The following BMP6 variants were observed in gnomAD, a reference collection of about 807,000 sequenced individuals.
The protein encoded by BMP6 is bone morphogenetic protein 6, also known as VG-1-R.
BMP6 carries 17 observed loss-of-function variants against 54.1 expected under a neutral mutation model. The observed-to-expected ratio is 0.31, with a 90% CI of 0.22 to 0.47. BMP6 has a LOEUF of 0.47. Ranked by LOEUF, BMP6 falls within the 20% of genes least tolerant of loss-of-function variation. The pLI, the probability that BMP6 is intolerant of heterozygous loss-of-function variation, is 1.00. For synonymous variants in BMP6, 328 were observed against 291.2 expected, an observed-to-expected ratio of 1.13 and a Z score of -1.28; for missense variants, 720 against 690.4, an observed-to-expected ratio of 1.04 and a Z score of -0.48.
chr6:7,753,834 C>T (rs751696257), intron 1 of BMP6, among the ~76,000 whole-genome samples: 39 of 152,256 alleles, frequency 2.6e-4, no homozygotes, highest in East Asian at 1.3e-3. Context: ...AAATTCCCCT[C>T]GTGATTTCTT....
At chr6:7,805,168 G>A (rs572661749) in intron 1 of BMP6, among the ~76,000 whole-genome samples, 5 of 152,262 alleles carry the variant, frequency 3.3e-5, no homozygotes, top group East Asian at 3.9e-4. Flanking sequence ...AGACAGTGAC[G>A]TGAAGGATTA....
At chr6:7,775,802 C>T (rs1757854063) in intron 1 of BMP6, among the ~76,000 whole-genome samples, 1 of 152,204 alleles carries the variant, frequency 6.6e-6, no homozygotes, top group Non-Finnish European at 1.5e-5. Context: ...TCATCAACTC[C>T]AATGACTTAG....
chr6:7,782,431 C>T (rs1014507483), intron 1 of BMP6, among the ~76,000 whole-genome samples: 1 of 152,066 alleles, frequency 6.6e-6, no homozygotes, highest in Non-Finnish European at 1.5e-5. Flanking sequence ...CTGAAGCAGC[C>T]CAGGCACGGT....
intron 1 of BMP6, among the ~76,000 whole-genome samples, chr6:7,752,819 G>T (rs576741795): frequency 1.3e-5 from 2 of 152,152 alleles, no homozygotes; most frequent in Admixed American, 6.5e-5. Flanking sequence ...TATCAGCACA[G>T]AATAGCTATC....
intron 1 of BMP6, among the ~76,000 whole-genome samples, chr6:7,804,363 G>A (rs1758315478): frequency 6.6e-6 from 1 of 151,948 alleles, no homozygotes; most frequent in Non-Finnish European, 1.5e-5. Context: ...ATCTGGCCAT[G>A]CAAACTGGCT....
At chr6:7,789,305 T>G (rs1391642673) in intron 1 of BMP6, among the ~76,000 whole-genome samples, 2 of 152,194 alleles carry the variant, frequency 1.3e-5, no homozygotes, top group African/African-American at 4.8e-5. Context: ...AAACTGAGGT[T>G]CTGGAAATGT....
chr6:7,732,354 TA>T (rs1188229417), intron 1 of BMP6, among the ~76,000 whole-genome samples: 1 of 152,228 alleles, frequency 6.6e-6, no homozygotes, highest in East Asian at 1.9e-4. Flanking sequence ...AAAGTGTTCT[TA>T]AACTAAGATC....
chr6:7,772,112 G>A (rs1047994728), intron 1 of BMP6, among the ~76,000 whole-genome samples: 2 of 151,218 alleles, frequency 1.3e-5, no homozygotes, highest in African/African-American at 2.4e-5. Flanking sequence ...TAGCTTTCAT[G>A]CTTCAACCTC....
chr6:7,776,575 A>T (rs1757862712), intron 1 of BMP6, among the ~76,000 whole-genome samples: 1 of 152,184 alleles, frequency 6.6e-6, no homozygotes, highest in Non-Finnish European at 1.5e-5. Flanking sequence ...TGGTTCTCTA[A>T]AACTTGTTCC....
chr6:7,846,440 C>G (rs549912532), intron 2 of BMP6, among the ~76,000 whole-genome samples: 4 of 152,236 alleles, frequency 2.6e-5, no homozygotes, highest in Non-Finnish European at 5.9e-5. Context: ...TTAATTTGTC[C>G]GTGAAAGGTT....
chr6:7,812,118 A>G (rs1251586710), intron 1 of BMP6, among the ~76,000 whole-genome samples: 1 of 152,164 alleles, frequency 6.6e-6, no homozygotes, highest in African/African-American at 2.4e-5. Flanking sequence ...AGGCTTGTAC[A>G]TTTTATATAC....
chr6:7,735,991 G>T (rs1761950752), intron 1 of BMP6, among the ~76,000 whole-genome samples: 1 of 152,172 alleles, frequency 6.6e-6, no homozygotes, highest in Non-Finnish European at 1.5e-5. Context: ...AAATACCTCA[G>T]TTGAAGAATA....
At chr6:7,745,648 A>ATTGGTCCC (rs1757335208) in intron 1 of BMP6, among the ~76,000 whole-genome samples, 1 of 152,160 alleles carries the variant, frequency 6.6e-6, no homozygotes, top group Admixed American at 6.5e-5. Context: ...TCCAGTGTTT[A>ATTGGTCCC]TTGGTCCCTT....
chr6:7,839,557 T>C (rs1758931885), intron 1 of BMP6, among the ~76,000 whole-genome samples: 1 of 152,252 alleles, frequency 6.6e-6, no homozygotes, highest in South Asian at 2.1e-4. Flanking sequence ...AGTGGAATTA[T>C]ACAGTATTTG....
rs115803183 is a variant in BMP6, at chr6:7,745,919, G to A, written c.664+18300G>A. Among the ~76,000 whole-genome samples the A allele has an allele frequency of 4.5e-3, 686 of 152,234 alleles. 3 individuals carry two copies. The highest frequency in any genetic ancestry group is 0.016 in the African/African-American group (660 of 41,530). Reference sequence around the variant, plus strand: ...GGAGGCGGAGGTTGCAGTGGGCCGAGATTGCGTCACTACATTCCAGCCTAG... The same window carrying A: ...GGAGGCGGAGGTTGCAGTGGGCCGAAATTGCGTCACTACATTCCAGCCTAG... On this transcript the variant is annotated intron_variant, in intron 1 of 6. Transcript: ENST00000283147.
chr6:7,863,816 C>T (rs909799276), intron 4 of BMP6, among the ~76,000 whole-genome samples: 3 of 151,886 alleles, frequency 2.0e-5, no homozygotes, highest in African/African-American at 4.8e-5. Context: ...GTTGGGAGTT[C>T]GAGACCAGCC....
At chr6:7,760,993 C>T (rs1757604011) in intron 1 of BMP6, among the ~76,000 whole-genome samples, 2 of 152,218 alleles carry the variant, frequency 1.3e-5, no homozygotes, top group Admixed American at 6.5e-5. Flanking sequence ...ATTAACAACT[C>T]CAGCAGATCT....
At chr6:7,874,800 C>T (rs1225930) in intron 4 of BMP6, among the ~76,000 whole-genome samples, 53,475 of 150,132 alleles carry the variant, frequency 0.36, 10,262 homozygotes, top group East Asian at 0.65. Flanking sequence ...AGCTTGTCAA[C>T]GCTATGTGAG....
At chr6:7,762,996 C>T (rs34777872) in intron 1 of BMP6, among the ~76,000 whole-genome samples, 20,707 of 152,254 alleles carry the variant, frequency 0.14, 1,521 homozygotes, top group East Asian at 0.3. Flanking sequence ...AAAACATGGC[C>T]GTGCGGCAGG....
Sources: allele counts gnomAD v4.1 joint callset (sites outside exome capture counted in the v4.1 genomes callset), GRCh38; gene constraint gnomAD v4.1.1; transcripts MANE v1.5; gene names NCBI Gene and HGNC (gene_info 2026-07-23, HGNC 2026-07-21).